The following COA1 variants were observed in gnomAD, a reference collection of about 807,000 sequenced individuals.
The protein encoded by COA1 is cytochrome c oxidase assembly factor 1 homolog.
A neutral mutation model predicts 16.0 loss-of-function variants in COA1; 13 were observed. The ratio of observed to expected loss-of-function variants is 0.81; its 90% confidence interval spans 0.53 to 1.29. The LOEUF is 1.29. COA1 is among the 50% of genes most tolerant of loss of function. The pLI is 0.00. For synonymous variants in COA1, 65 were observed against 65.7 expected (o/e 0.99, Z 0.05); for missense variants, 179 against 177.0 (o/e 1.01, Z -0.06).
intron 1 of COA1, among the ~76,000 whole-genome samples, chr7:43,704,013 T>C (rs929805307): frequency 9.9e-5 from 15 of 152,244 alleles, no homozygotes; most frequent in Non-Finnish European, 1.9e-4. Context: ...GTAAGTCTGC[T>C]GGTAACAAAT....
At chr7:43,718,790 C>T (rs891910045) in intron 1 of COA1, among the ~76,000 whole-genome samples, 7 of 152,184 alleles carry the variant, frequency 4.6e-5, no homozygotes, top group Admixed American at 1.3e-4. Context: ...GTTTTTCCCT[C>T]TGCCAACTCA....
chr7:43,617,110 A>G (rs1175691837), intron 6 of COA1, among the ~76,000 whole-genome samples: 18 of 152,186 alleles, frequency 1.2e-4, no homozygotes, highest in Admixed American at 6.5e-5. Flanking sequence ...ATGAGACTGG[A>G]AAGTGTCCCG....
intron 1 of COA1, among the ~76,000 whole-genome samples, chr7:43,713,458 T>C (rs890136690): frequency 3.3e-5 from 5 of 152,166 alleles, no homozygotes; most frequent in Admixed American, 3.3e-4. Flanking sequence ...TTGTACTCAT[T>C]TGAACGACCT....
chr7:43,712,887 A>G (rs1031788053), intron 1 of COA1, among the ~76,000 whole-genome samples: 2 of 151,556 alleles, frequency 1.3e-5, no homozygotes, highest in African/African-American at 4.9e-5. Context: ...TTATTGACAC[A>G]TTGTCATTAC....
At chr7:43,674,576 G>A (rs1382141909) in intron 1 of COA1, among the ~76,000 whole-genome samples, 1 of 152,200 alleles carries the variant, frequency 6.6e-6, no homozygotes, top group Non-Finnish European at 1.5e-5. Flanking sequence ...TGGGCAATGT[G>A]ATGATAAACC....
chr7:43,726,271 T>G (rs1029074909), intron 1 of COA1, among the ~76,000 whole-genome samples: 15 of 152,192 alleles, frequency 9.9e-5, no homozygotes, highest in Non-Finnish European at 2.1e-4. Context: ...ATGAACACTC[T>G]TAGGCTAAAT....
At chr7:43,702,289 T>C (rs556028590) in intron 1 of COA1, among the ~76,000 whole-genome samples, 1 of 152,246 alleles carries the variant, frequency 6.6e-6, no homozygotes, top group East Asian at 1.9e-4. Flanking sequence ...AAGGCAGGGG[T>C]CCAGTTTCAT....
intron 1 of COA1, among the ~76,000 whole-genome samples, chr7:43,687,204 T>C (rs1469877973): frequency 6.6e-6 from 1 of 152,194 alleles, no homozygotes; most frequent in Non-Finnish European, 1.5e-5. Flanking sequence ...CCCACAGTAA[T>C]TGCCATGAAC....
At chr7:43,718,651 T>C (rs955609649) in intron 1 of COA1, among the ~76,000 whole-genome samples, 6 of 151,718 alleles carry the variant, frequency 4.0e-5, no homozygotes, top group African/African-American at 1.2e-4. Flanking sequence ...ATTGGGAGAG[T>C]TGTTTCTTAG....
At chr7:43,713,302 C>A (rs550043255) in intron 1 of COA1, among the ~76,000 whole-genome samples, 1 of 152,224 alleles carries the variant, frequency 6.6e-6, no homozygotes, top group African/African-American at 2.4e-5. Context: ...TTTAGCATGT[C>A]CATCATCTCA....
chr7:43,621,121 T>C (rs1355722931), intron 6 of COA1, among the ~76,000 whole-genome samples: 1 of 152,234 alleles, frequency 6.6e-6, no homozygotes, highest in Non-Finnish European at 1.5e-5. Flanking sequence ...CAAACCTGTA[T>C]GGCAATGATA....
chr7:43,695,848 T>C (rs1326554303), intron 1 of COA1, among the ~76,000 whole-genome samples: 2 of 152,176 alleles, frequency 1.3e-5, no homozygotes, highest in African/African-American at 4.8e-5. Flanking sequence ...GCAATTGCAG[T>C]TCTGCATATA....
At chr7:43,719,361 A>C (rs1487151329) in intron 1 of COA1, among the ~76,000 whole-genome samples, 1 of 152,216 alleles carries the variant, frequency 6.6e-6, no homozygotes, top group African/African-American at 2.4e-5. Context: ...ACTATTACTT[A>C]TTAGGGATGC....
intron 1 of COA1, among the ~76,000 whole-genome samples, chr7:43,722,626 C>T (rs1203800809): frequency 6.6e-6 from 1 of 151,942 alleles, no homozygotes; most frequent in Non-Finnish European, 1.5e-5. Context: ...TGGTCTGGAA[C>T]TCCTGATCTC....
intron 1 of COA1, among the ~76,000 whole-genome samples, chr7:43,705,644 G>C (rs1163134759): frequency 6.6e-6 from 1 of 152,130 alleles, no homozygotes; most frequent in Non-Finnish European, 1.5e-5. Flanking sequence ...AGAGGAGTAT[G>C]GTGTTATGGA....
intron 1 of COA1, among the ~76,000 whole-genome samples, chr7:43,663,995 G>A (rs1318591869): frequency 1.3e-5 from 2 of 151,950 alleles, no homozygotes; most frequent in Admixed American, 6.6e-5. Flanking sequence ...GTCAGAGGCT[G>A]CAGTGAGCCA....
chr7:43,676,626 AATAT>A (rs1376378843), intron 1 of COA1, among the ~76,000 whole-genome samples: 1 of 152,052 alleles, frequency 6.6e-6, no homozygotes, highest in African/African-American at 2.4e-5. Flanking sequence ...TAGGTAACAT[AATAT>A]ATAGTTTCAA....
intron 6 of COA1, chr7:43,624,590 C>A: frequency 6.2e-7 from 1 of 1,614,070 alleles, no homozygotes; most frequent in Non-Finnish European, 8.5e-7. Context: ...AGCCTTCTTT[C>A]AGGATGGAAA....
intron 6 of COA1, among the ~76,000 whole-genome samples, chr7:43,633,696 TA>T (rs1234804083): frequency 5.9e-5 from 9 of 152,122 alleles, no homozygotes; most frequent in Non-Finnish European, 8.8e-5. Context: ...CCACAATTTG[TA>T]AAAAACACAG....
Sources: allele counts gnomAD v4.1 joint callset (sites outside exome capture counted in the v4.1 genomes callset), GRCh38; gene constraint gnomAD v4.1.1; transcripts MANE v1.5; gene names NCBI Gene and HGNC (gene_info 2026-07-23, HGNC 2026-07-21).